Variants in ARK2C observed in about 807,000 individuals in gnomAD.
ARK2C encodes arkadia (RNF111) C-terminal like ring finger ubiquitin ligase 2C, also known as E3 ubiquitin-protein ligase ARK2C.
At chr18:46,346,953 C>A in the ARK2C span, among the ~76,000 whole-genome samples, 1 of 152,190 alleles carries the variant, frequency 6.6e-6, no homozygotes, top group African/African-American at 2.4e-5. Flanking sequence ...CTGGGGAGAC[C>A]CCCGAACACT....
At chr18:46,394,175 G>A in the ARK2C span, among the ~76,000 whole-genome samples, 4 of 152,186 alleles carry the variant, frequency 2.6e-5, no homozygotes, top group Non-Finnish European at 5.9e-5. Context: ...CCTGCCGAGG[G>A]ACAGAATTTA....
chr18:46,403,800 C>T, the ARK2C span, among the ~76,000 whole-genome samples: 2 of 152,082 alleles, frequency 1.3e-5, no homozygotes, highest in Non-Finnish European at 2.9e-5. Flanking sequence ...ATTGCTTGAA[C>T]CTGGAAGGTG....
chr18:46,375,507 T>G, the ARK2C span, among the ~76,000 whole-genome samples: 12 of 151,524 alleles, frequency 7.9e-5, no homozygotes, highest in Non-Finnish European at 1.3e-4. Flanking sequence ...TGAGCTGAGA[T>G]TGTGCCACTG....
chr18:46,411,012 A>T, the ARK2C span, among the ~76,000 whole-genome samples: 1 of 152,234 alleles, frequency 6.6e-6, no homozygotes, highest in Non-Finnish European at 1.5e-5. Flanking sequence ...GAAGTTGCTG[A>T]GATGAGCCTC....
chr18:46,426,803 C>G, the ARK2C span, among the ~76,000 whole-genome samples: 114 of 152,162 alleles, frequency 7.5e-4, 1 homozygote, highest in Admixed American at 3.9e-4. Context: ...GTCATTTTAG[C>G]CTGGGGAAAT....
chr18:46,378,826 G>A, the ARK2C span, among the ~76,000 whole-genome samples: 1 of 152,210 alleles, frequency 6.6e-6, no homozygotes, highest in Non-Finnish European at 1.5e-5. Flanking sequence ...GTGGGGAGCT[G>A]CACAACGGAG....
chr18:46,430,566 C>T, the ARK2C span, among the ~76,000 whole-genome samples: 6 of 152,298 alleles, frequency 3.9e-5, no homozygotes, highest in East Asian at 9.6e-4. Flanking sequence ...TCATTTCCTC[C>T]ATTCTTTCTC....
chr18:46,447,819 G>T, the ARK2C span: 1 of 1,090,626 alleles, frequency 9.2e-7, no homozygotes, highest in Admixed American at 1.8e-5. Context: ...CCTGTGCCCC[G>T]GCTTCCACAT....
the ARK2C span, among the ~76,000 whole-genome samples, chr18:46,340,003 T>A: frequency 6.6e-6 from 1 of 152,206 alleles, no homozygotes; most frequent in Non-Finnish European, 1.5e-5. Context: ...GGACCCCTTT[T>A]CTGAAGCAAA....
At chr18:46,349,431 C>T in the ARK2C span, among the ~76,000 whole-genome samples, 2 of 152,180 alleles carry the variant, frequency 1.3e-5, no homozygotes, top group Non-Finnish European at 2.9e-5. Context: ...GGAATCGAAT[C>T]ACTTCTCGAA....
chr18:46,407,063 A>G, the ARK2C span, among the ~76,000 whole-genome samples: 2 of 152,122 alleles, frequency 1.3e-5, no homozygotes, highest in Non-Finnish European at 2.9e-5. Context: ...CTCGGCCTCT[A>G]CCACCTCTTG....
At chr18:46,426,733 C>G in the ARK2C span, among the ~76,000 whole-genome samples, 6 of 152,240 alleles carry the variant, frequency 3.9e-5, no homozygotes, top group South Asian at 1.0e-3. Flanking sequence ...TCTGGGAGAC[C>G]CTTCTTTCTC....
At chr18:46,400,039 G>A in the ARK2C span, among the ~76,000 whole-genome samples, 2 of 152,192 alleles carry the variant, frequency 1.3e-5, no homozygotes, top group South Asian at 2.1e-4. Context: ...GGGCCCCTGG[G>A]GTGCTGGGCA....
At chr18:46,339,484 A>G in the ARK2C span, among the ~76,000 whole-genome samples, 1 of 152,228 alleles carries the variant, frequency 6.6e-6, no homozygotes, top group African/African-American at 2.4e-5. Context: ...AAACACTTAC[A>G]TATTAAGGAG....
At chr18:46,393,287 A>T in the ARK2C span, among the ~76,000 whole-genome samples, 83 of 152,316 alleles carry the variant, frequency 5.4e-4, no homozygotes, top group African/African-American at 1.8e-3. Context: ...TTGTGGGGTG[A>T]CTGTTCCCAG....
At chr18:46,419,464 A>G in the ARK2C span, among the ~76,000 whole-genome samples, 1 of 152,152 alleles carries the variant, frequency 6.6e-6, no homozygotes. Flanking sequence ...TGAAGTCCAG[A>G]GACAGGAAGT....
the ARK2C span, chr18:46,433,251 C>G: frequency 1.2e-6 from 2 of 1,606,654 alleles, no homozygotes; most frequent in Admixed American, 3.4e-5. Context: ...TCCACCTGGG[C>G]CCCCCGCAGC....
the ARK2C span, among the ~76,000 whole-genome samples, chr18:46,380,390 T>C: frequency 6.6e-6 from 1 of 152,232 alleles, no homozygotes; most frequent in Non-Finnish European, 1.5e-5. Flanking sequence ...CAGAGGAACT[T>C]GCTTAAGGTT....
the ARK2C span, among the ~76,000 whole-genome samples, chr18:46,432,743 G>A: frequency 2.0e-5 from 3 of 151,880 alleles, no homozygotes; most frequent in Non-Finnish European, 4.4e-5. Context: ...GGATCACGAG[G>A]TCAAGAGATC....
Sources: allele counts gnomAD v4.1 joint callset (sites outside exome capture counted in the v4.1 genomes callset), GRCh38; gene constraint gnomAD v4.1.1; transcripts MANE v1.5; gene names NCBI Gene and HGNC (gene_info 2026-07-23, HGNC 2026-07-21).